AZI2: variants seen among roughly 807,000 people sequenced by gnomAD.
AZI2 encodes 5-azacytidine induced 2.
Under a neutral mutation model 45.8 loss-of-function variants are expected in AZI2, and 22 were observed. The observed-to-expected ratio is 0.48, with a 90% CI of 0.34 to 0.69. AZI2 has a LOEUF of 0.69. AZI2 is among the 30% of genes least tolerant of loss of function. AZI2 has a pLI of 0.01. For missense variants in AZI2, 417 were observed against 441.5 expected (o/e 0.94, Z 0.50); for synonymous variants, 137 against 156.7 (o/e 0.87, Z 0.94).
At chr3:28,331,594 C>T in intron 6 of AZI2, 2 of 1,065,304 alleles carry the variant, frequency 1.9e-6, no homozygotes, top group Non-Finnish European at 2.3e-6. Flanking sequence ...TTGATCATTT[C>T]TCTAAAGCAG....
intron 2 of AZI2, among the ~76,000 whole-genome samples, chr3:28,339,734 T>C (rs530105282): frequency 3.3e-5 from 5 of 152,240 alleles, no homozygotes; most frequent in African/African-American, 1.2e-4. Context: ...AAAATGCTCT[T>C]ATCTGAGCTG....
intron 6 of AZI2, among the ~76,000 whole-genome samples, chr3:28,327,827 T>C (rs1475368877): frequency 3.3e-5 from 5 of 150,716 alleles, no homozygotes; most frequent in Non-Finnish European, 7.4e-5. Context: ...TCACAAAATA[T>C]TAAATGTAAG....
chr3:28,336,364 T>G (rs1236435351), intron 5 of AZI2, among the ~76,000 whole-genome samples: 1 of 152,110 alleles, frequency 6.6e-6, no homozygotes, highest in African/African-American at 2.4e-5. Flanking sequence ...TTATGATATC[T>G]AAATTAATGA....
chr3:28,326,545 C>A, intron 7 of AZI2: 1 of 230,378 alleles, frequency 4.3e-6, no homozygotes, highest in Non-Finnish European at 8.3e-6. Context: ...TCAACTAGAG[C>A]AAACTTAACA....
chr3:28,324,134 C>T lies in AZI2; in HGVS notation c.1087G>A (p.Gly363Arg). ...GGCAAAGTTTTAGTTTTAGTTTCCC[C>T]AAATGCTGTCTCACTTGATTTAGGA... Reference protein sequence around the residue: ...SPPKSSETAFGETKTKTLPLP... With the variant: ...SPPKSSETAFRETKTKTLPLP... Residue 363 changes from glycine to arginine, a missense_variant, in exon 8 of 8, where the codon GGG (glycine) becomes AGG (arginine). Gly to Arg is a moderately radical substitution (Grantham distance 125). Transcript: ENST00000479665. 6.2e-7 allele frequency: 1 copy of T among 1,610,534 alleles called. No individual in the cohort carries two copies. Among genetic ancestry groups the T allele is most frequent in the Non-Finnish European group, 8.5e-7 (1 of 1,177,552 alleles).
chr3:28,328,981 G>A (rs1343683003), intron 6 of AZI2, among the ~76,000 whole-genome samples: 1 of 151,082 alleles, frequency 6.6e-6, no homozygotes. Flanking sequence ...TATAGATTGT[G>A]ACCTTCCTAT....
chr3:28,339,260 G>A (rs1415712048), intron 2 of AZI2, among the ~76,000 whole-genome samples: 3 of 152,050 alleles, frequency 2.0e-5, no homozygotes, highest in African/African-American at 7.3e-5. Context: ...TTACAGGTGT[G>A]AGCCACCGTG....
intron 2 of AZI2, among the ~76,000 whole-genome samples, chr3:28,339,494 T>G (rs1239003533): frequency 2.0e-5 from 3 of 152,036 alleles, no homozygotes; most frequent in Non-Finnish European, 4.4e-5. Flanking sequence ...TGTTACAAAT[T>G]TACATAATCA....
intron 1 of AZI2, chr3:28,341,387 AT>A (rs1415543315): frequency 6.6e-6 from 1 of 152,120 alleles, no homozygotes; most frequent in African/African-American, 2.4e-5. Context: ...TTTGCCCATC[AT>A]TTGTGTCCCC....
At chr3:28,347,923 T>C (rs930164907) in intron 1 of AZI2, among the ~76,000 whole-genome samples, 1 of 152,260 alleles carries the variant, frequency 6.6e-6, no homozygotes, top group Non-Finnish European at 1.5e-5. Flanking sequence ...GGGTCAATTT[T>C]AATTCTGGTA....
intron 1 of AZI2, among the ~76,000 whole-genome samples, chr3:28,345,041 G>A (rs116560446): frequency 0.015 from 2,228 of 152,212 alleles, 53 homozygotes; most frequent in African/African-American, 0.05. Context: ...AGATGACTGA[G>A]GGCAGTGTTT....
chr3:28,338,124 A>T (rs1703869906), intron 3 of AZI2, 88 bp from the exon 4 acceptor site: 1 of 667,510 alleles, frequency 1.5e-6, no homozygotes, highest in Admixed American at 3.5e-5. Flanking sequence ...TGAAAAAAAC[A>T]CATTCTTGTC....
At chr3:28,337,738 A>G (rs1703849315) in intron 4 of AZI2, among the ~76,000 whole-genome samples, 199 bp downstream of exon 4, 1 of 152,194 alleles carries the variant, frequency 6.6e-6, no homozygotes, top group South Asian at 2.1e-4. Flanking sequence ...TTTCTCTAGG[A>G]AAAGTGCAAT....
Position 28,343,154 on chromosome 3 carries a change from A to C in AZI2, c.-5-2532T>G, listed in dbSNP as rs149540756. ...TATTATACCATAAAGGTAGGTAATA[A>C]ATTTGAAACAACAGAATGTTATGGG... On this transcript the variant is annotated intron_variant, in intron 1 of 7. Coordinates refer to ENST00000479665, the MANE Select transcript of AZI2 (RefSeq NM_022461.5). 7.9e-5 allele frequency among the ~76,000 whole-genome samples: 12 copies of C among 152,164 alleles called. No homozygotes were observed. The East Asian group carries it at 2.3e-3, about 29-fold the overall frequency.
At chr3:28,343,923 G>C (rs1704126107) in intron 1 of AZI2, among the ~76,000 whole-genome samples, 1 of 152,084 alleles carries the variant, frequency 6.6e-6, no homozygotes, top group South Asian at 2.1e-4. Flanking sequence ...AATATGAGTA[G>C]TCAGACTGGT....
At position 28,340,734 on chromosome 3, in the gene AZI2, A is replaced by C. The variant is rs1219127670; in HGVS notation, c.-5-112T>G. ...TACTAGGACAATGTTTAAAAACCAG[A>C]CTGCCTGGGTTGTATTCTAAACTCT... On this transcript the variant is annotated intron_variant, in intron 1 of 7. Transcript: ENST00000479665. 4.8e-6 allele frequency: 4 copies of C among 829,888 alleles called. No homozygotes were observed. In the African/African-American group the frequency reaches 6.9e-5, roughly 14 times the overall value. 51.4% of individuals were successfully genotyped at this position (829,888 alleles called of 1,614,324 possible).
chr3:28,324,171 T>A lies in AZI2; in HGVS notation c.1050A>T (p.Val350=). 5 of 1,610,726 alleles carry A rather than the reference T, an allele frequency of 3.1e-6. No homozygotes were observed. Among genetic ancestry groups the A allele is most frequent in the Non-Finnish European group, 4.2e-6 (5 of 1,177,636 alleles). Residue 350 remains valine, a synonymous_variant, in exon 8 of 8, where the codon GTA becomes GTT. Transcript: ENST00000479665. ...GRNSLEDNSW[V]FPSPPKSSET... ...CACTTGATTTAGGAGGACTTGGAAA[T>A]ACCCAGGAATTGTCTTCCAGAGAAT...
At chr3:28,339,525 C>G (rs922868850) in intron 2 of AZI2, among the ~76,000 whole-genome samples, 1 of 152,106 alleles carries the variant, frequency 6.6e-6, no homozygotes, top group Non-Finnish European at 1.5e-5. Context: ...AAATATAATT[C>G]ATATGAATAC....
rs1703888845 is a variant in AZI2 at position 28,338,557 on chromosome 3, G to A, written c.275C>T (p.Ala92Val). Residue 92 changes from alanine (A) to valine (V), a missense_variant, in exon 3 of 8, where the codon GCC (alanine) becomes GTC (valine). By Grantham distance (64) the Ala-to-Val change is moderately conservative. Coordinates refer to ENST00000479665, the MANE Select transcript of AZI2 (RefSeq NM_022461.5). ...GCAAACCTCTCGATATGCATGATAG[G>A]CCTTATTTACTTGTTCTCGTCCCAC... Reference protein sequence around the residue: ...SSVGREQVNKAYHAYREVCID... With the variant: ...SSVGREQVNKVYHAYREVCID... 6.2e-7 allele frequency: 1 copy of A among 1,609,144 alleles called. No individual in the cohort carries two copies. Among genetic ancestry groups the A allele is most frequent in the Non-Finnish European group, 8.5e-7 (1 of 1,177,006 alleles).
Sources: allele counts gnomAD v4.1 joint callset (sites outside exome capture counted in the v4.1 genomes callset), GRCh38; gene constraint gnomAD v4.1.1; transcripts MANE v1.5; gene names NCBI Gene and HGNC (gene_info 2026-07-23, HGNC 2026-07-21).